DNMBP: variants seen among roughly 807,000 people sequenced by gnomAD.
DNMBP encodes dynamin-binding protein.
A neutral mutation model predicts 150.0 loss-of-function variants in DNMBP; 87 were observed. That is an observed-to-expected ratio of 0.58 (90% CI 0.49 to 0.69). DNMBP has a LOEUF of 0.69. Among genes scored for constraint, DNMBP ranks in the 30% least tolerant of loss-of-function variants. DNMBP has a pLI of 0.00. For missense variants in DNMBP, 1,774 were observed against 1,949.0 expected, an observed-to-expected ratio of 0.91 and a Z score of 1.69; for synonymous variants, 711 against 750.4, an observed-to-expected ratio of 0.95 and a Z score of 0.86.
intron 1 of DNMBP, among the ~76,000 whole-genome samples, chr10:99,973,908 G>C (rs1003960259): frequency 1.3e-5 from 2 of 152,218 alleles, no homozygotes; most frequent in Admixed American, 6.5e-5. Flanking sequence ...TTGAACCTGG[G>C]AGGCCGAGGT....
intron 9 of DNMBP, among the ~76,000 whole-genome samples, chr10:99,897,450 T>C (rs988626583): frequency 1.3e-5 from 2 of 152,220 alleles, no homozygotes. Flanking sequence ...AGTCTATGCA[T>C]GGACTCCAGA....
chr10:99,881,107 A>G (rs548541505), intron 15 of DNMBP, among the ~76,000 whole-genome samples: 8 of 152,198 alleles, frequency 5.3e-5, no homozygotes, highest in African/African-American at 1.7e-4. Flanking sequence ...GCGCACCTGT[A>G]ATCCCAGCTA....
intron 1 of DNMBP, among the ~76,000 whole-genome samples, chr10:99,986,724 A>G (rs1373840674): frequency 6.6e-6 from 1 of 151,996 alleles, no homozygotes; most frequent in Non-Finnish European, 1.5e-5. Context: ...ACATCCATAC[A>G]GTATATCAAG....
intron 6 of DNMBP, 45 bp downstream of exon 6, chr10:99,907,950 A>C: frequency 6.8e-7 from 1 of 1,472,368 alleles, no homozygotes; most frequent in South Asian, 1.2e-5. Context: ...CTGCCCATGA[A>C]GTTTTTTTAA....
chr10:99,878,866 C>T (rs937707226), intron 16 of DNMBP, among the ~76,000 whole-genome samples: 10 of 152,070 alleles, frequency 6.6e-5, no homozygotes, highest in Non-Finnish European at 1.2e-4. Flanking sequence ...GTGGCTCACG[C>T]CTGTAATCCC....
chr10:99,949,376 G>T (rs556838839), intron 4 of DNMBP, among the ~76,000 whole-genome samples: 5 of 152,210 alleles, frequency 3.3e-5, no homozygotes, highest in African/African-American at 1.2e-4. Flanking sequence ...ATGTTATATT[G>T]AAAGTTCTTT....
At chr10:99,991,698 A>G (rs934424384) in intron 1 of DNMBP, among the ~76,000 whole-genome samples, 15 of 151,776 alleles carry the variant, frequency 9.9e-5, no homozygotes, top group African/African-American at 3.4e-4. Context: ...CAAGGTCAGG[A>G]GATCGAGACC....
Position 99,955,740 on chromosome 10 carries a change from T to G in DNMBP, c.1734A>C (p.Ser578=), listed in dbSNP as rs767883532. ...CCTTCTCAGAGTTAAAGTCCATGAT[T>G]GAAAAGTGGCGTAAAATTTTATCTG... The part of the protein sequence containing the change: ...TEPDKILRHF[S]IMDFNSEKDI... Residue 578 remains serine (S), a synonymous_variant, in exon 4 of 17, where the codon TCA becomes TCC. Coordinates refer to ENST00000324109, the MANE Select transcript of DNMBP (RefSeq NM_015221.4). 6.2e-7 allele frequency: 1 copy of G among 1,614,226 alleles called. No homozygotes were observed. Among genetic ancestry groups the G allele is most frequent in the Non-Finnish European group, 8.5e-7 (1 of 1,180,038 alleles).
chr10:99,928,042 G>C (rs2040102249), intron 4 of DNMBP: 1 of 152,176 alleles, frequency 6.6e-6, no homozygotes, highest in African/African-American at 2.4e-5. Context: ...AAGGAATTTA[G>C]AAGTTATCCA....
intron 6 of DNMBP, 109 bp downstream of exon 6, chr10:99,907,886 C>T: frequency 4.1e-6 from 3 of 740,670 alleles, no homozygotes; most frequent in African/African-American, 1.8e-5. Flanking sequence ...TAAGTACCTA[C>T]ACCTGTATCT....
intron 4 of DNMBP, among the ~76,000 whole-genome samples, chr10:99,929,261 C>T (rs752115785): frequency 6.7e-6 from 1 of 149,124 alleles, no homozygotes; most frequent in African/African-American, 2.5e-5. Context: ...TAGCTTGATG[C>T]CCTGATAATA....
chr10:99,890,673 G>A (rs1466716975), intron 11 of DNMBP, among the ~76,000 whole-genome samples: 1 of 152,148 alleles, frequency 6.6e-6, no homozygotes, highest in Admixed American at 6.5e-5. Context: ...TCTTGAGATG[G>A]AGTCTCACTC....
At chr10:99,921,864 GAAA>G (rs34344466) in intron 4 of DNMBP, among the ~76,000 whole-genome samples, 114 of 23,732 alleles carry the variant, frequency 4.8e-3, no homozygotes, top group Middle Eastern at 0.023. Context: ...GATTCCATCT[GAAA>G]AAAAAAAAAA....
chr10:99,895,485 T>TGAATCATAGTGAATTGA (rs1317470852), intron 10 of DNMBP, among the ~76,000 whole-genome samples: 5 of 152,192 alleles, frequency 3.3e-5, no homozygotes, highest in Non-Finnish European at 7.3e-5. Context: ...AATGTTTTCC[T>TGAATCATAGTGAATTGA]GAATCATAGT....
At position 99,953,681 on chromosome 10, in the gene DNMBP, G is replaced by A. The variant is rs951796901; in HGVS notation, c.2260+1533C>T. Among the ~76,000 whole-genome samples the A allele has an allele frequency of 3.9e-5, 6 of 151,948 alleles. No homozygotes were observed. In the South Asian group the frequency reaches 6.2e-4, roughly 16 times the overall value. ...CTAAAAATAGAAAAATTAGCCAGGC[G>A]TGGTGGCATGCACCTGTAATCTCAG... On this transcript the variant is annotated intron_variant, in intron 4 of 16. Coordinates refer to ENST00000324109, the MANE Select transcript of DNMBP (RefSeq NM_015221.4).
rs527427712 is a variant in DNMBP, at chr10:99,955,636, G to A, written c.1838C>T (p.Pro613Leu). 37 of 1,614,212 alleles carry A rather than the reference G, an allele frequency of 2.3e-5. No individual in the cohort carries two copies. The South Asian group carries it at 4.0e-4, about 17-fold the overall frequency. The change falls in exon 4 of 17, where the codon CCT becomes CTT. Residue 613 changes from proline to leucine, a missense_variant. Pro to Leu is a moderately conservative substitution (Grantham distance 98). Transcript: ENST00000324109. ...AGTGGATACCGGAGTACAGGGACGA[G>A]GTGGCGGTGGCCTTAGGGCCTTTCT... ...ERRKALRPPPPRPCTPVSTSP... is the reference protein window; with the variant it reads ...ERRKALRPPPLRPCTPVSTSP...
At chr10:99,947,116 G>A (rs1203824583) in intron 4 of DNMBP, among the ~76,000 whole-genome samples, 1 of 152,238 alleles carries the variant, frequency 6.6e-6, no homozygotes, top group Admixed American at 6.5e-5. Flanking sequence ...TACACTGTTA[G>A]TGGGAATGTA....
intron 1 of DNMBP, among the ~76,000 whole-genome samples, chr10:99,995,415 G>A (rs2040940802): frequency 1.3e-5 from 2 of 152,118 alleles, no homozygotes; most frequent in Admixed American, 6.6e-5. Flanking sequence ...ATCACTTGCA[G>A]GAAGTGTCTA....
intron 1 of DNMBP, among the ~76,000 whole-genome samples, chr10:99,996,664 CTTTCTT>C (rs1343849025): frequency 1.3e-4 from 20 of 152,082 alleles, no homozygotes; most frequent in Non-Finnish European, 2.2e-4. Flanking sequence ...TATTGAATGT[CTTTCTT>C]TTTCTAGTTT....
Sources: gnomAD v4.1 joint callset for allele counts (sites outside exome capture counted in the v4.1 genomes callset) on GRCh38, gnomAD v4.1.1 for gene constraint, MANE v1.5 for transcripts, NCBI Gene and HGNC (gene_info 2026-07-23, HGNC 2026-07-21) for gene names.